The following BABAM2 variants were observed in gnomAD, a reference collection of about 807,000 sequenced individuals.
The protein encoded by BABAM2 is BRISC and BRCA1-A complex member 2.
In BABAM2, 31 loss-of-function variants were observed where a neutral mutation model predicts 54.7. The observed-to-expected ratio is 0.57, with a 90% CI of 0.43 to 0.77. BABAM2 has a LOEUF of 0.77. Among genes scored for constraint, BABAM2 ranks in the 30% least tolerant of loss-of-function variants. The probability of loss-of-function intolerance (pLI) is 0.00; values close to 1 mark genes in which losing one functional copy is unlikely to be tolerated. For missense variants in BABAM2, 364 were observed against 455.8 expected (o/e 0.80, Z 1.83); for synonymous variants, 167 against 162.9 (o/e 1.03, Z -0.19).
chr2:28,223,877 G>A (rs979297199), intron 7 of BABAM2, among the ~76,000 whole-genome samples: 1 of 152,112 alleles, frequency 6.6e-6, no homozygotes, highest in Non-Finnish European at 1.5e-5. Context: ...TCCACCCTGA[G>A]ATTCCAATAT....
chr2:28,123,092 A>G (rs1177486096), intron 6 of BABAM2, among the ~76,000 whole-genome samples: 1 of 152,110 alleles, frequency 6.6e-6, no homozygotes, highest in Non-Finnish European at 1.5e-5. Context: ...TATTTCATTC[A>G]TTTACTCATT....
At chr2:28,135,323 A>C (rs1313510727) in intron 7 of BABAM2, among the ~76,000 whole-genome samples, 1 of 152,220 alleles carries the variant, frequency 6.6e-6, no homozygotes, top group Non-Finnish European at 1.5e-5. Flanking sequence ...TCCTCATGAT[A>C]GTATGTCTAT....
intron 9 of BABAM2, 32 bp downstream of exon 9, chr2:28,241,425 G>A: frequency 6.3e-7 from 1 of 1,597,610 alleles, no homozygotes; most frequent in Non-Finnish European, 8.6e-7. Context: ...CGATATACCG[G>A]TGATGCCCTC....
chr2:28,310,248 C>T, intron 11 of BABAM2: 2 of 1,246,150 alleles, frequency 1.6e-6, no homozygotes, highest in Non-Finnish European at 2.3e-6. Context: ...ACTGCCAATA[C>T]AGCCCTCATC....
chr2:28,085,702 C>T (rs1665576129), intron 6 of BABAM2, among the ~76,000 whole-genome samples: 1 of 152,102 alleles, frequency 6.6e-6, no homozygotes, highest in Non-Finnish European at 1.5e-5. Context: ...TCTTGTTGTG[C>T]TACCCATAAA....
chr2:28,200,371 A>G (rs1678130973), intron 7 of BABAM2, among the ~76,000 whole-genome samples: 1 of 152,230 alleles, frequency 6.6e-6, no homozygotes, highest in African/African-American at 2.4e-5. Flanking sequence ...AATTTGTTAG[A>G]GAAGTGAATG....
At chr2:28,184,251 C>CTCTCT (rs1675995601) in intron 7 of BABAM2, among the ~76,000 whole-genome samples, 1 of 66,238 alleles carries the variant, frequency 1.5e-5, no homozygotes, top group Non-Finnish European at 3.1e-5. Context: ...TCTCTCTCTC[C>CTCTCT]CTCCCTCCCT....
intron 2 of BABAM2, among the ~76,000 whole-genome samples, chr2:27,925,214 A>G (rs924361516): frequency 1.3e-5 from 2 of 152,086 alleles, no homozygotes; most frequent in African/African-American, 4.8e-5. Flanking sequence ...TTTTTCTTCT[A>G]TCTTTTCTGT....
At chr2:28,318,116 T>G (rs992527770) in intron 11 of BABAM2, among the ~76,000 whole-genome samples, 2 of 152,242 alleles carry the variant, frequency 1.3e-5, no homozygotes, top group Non-Finnish European at 2.9e-5. Context: ...TTGGTGGCCC[T>G]GAGGCCGGCA....
At chr2:28,216,916 C>T (rs1318015485) in intron 7 of BABAM2, among the ~76,000 whole-genome samples, 1 of 152,162 alleles carries the variant, frequency 6.6e-6, no homozygotes, top group Non-Finnish European at 1.5e-5. Context: ...GCCTCATTTC[C>T]ACCTCAGGGC....
chr2:28,303,729 G>A (rs1472897483), intron 11 of BABAM2, among the ~76,000 whole-genome samples: 10 of 151,206 alleles, frequency 6.6e-5, no homozygotes, highest in African/African-American at 1.5e-4. Flanking sequence ...CCCACCAAAA[G>A]CCTGCTGATC....
At chr2:28,002,479 T>C (rs1246739699) in intron 4 of BABAM2, among the ~76,000 whole-genome samples, 1 of 152,188 alleles carries the variant, frequency 6.6e-6, no homozygotes, top group East Asian at 1.9e-4. Flanking sequence ...TCCATATATT[T>C]GTTATATTTT....
chr2:28,040,896 A>G (rs1211081123), intron 5 of BABAM2, among the ~76,000 whole-genome samples: 11 of 152,224 alleles, frequency 7.2e-5, no homozygotes, highest in Non-Finnish European at 1.6e-4. Flanking sequence ...TTGCCAATAA[A>G]CACAAATTTG....
At chr2:28,137,417 C>T (rs796781430) in intron 7 of BABAM2, among the ~76,000 whole-genome samples, 4 of 152,156 alleles carry the variant, frequency 2.6e-5, no homozygotes, top group African/African-American at 9.6e-5. Flanking sequence ...TTGAGATGTT[C>T]GTTTTACTAG....
intron 2 of BABAM2, among the ~76,000 whole-genome samples, chr2:27,925,032 A>AT (rs1366451753): frequency 4.6e-5 from 7 of 152,140 alleles, no homozygotes; most frequent in African/African-American, 1.7e-4. Flanking sequence ...ACATTTGTAG[A>AT]TTCCTCTCAG....
chr2:27,975,113 A>G (rs1216171026), intron 3 of BABAM2, among the ~76,000 whole-genome samples: 1 of 152,070 alleles, frequency 6.6e-6, no homozygotes, highest in Non-Finnish European at 1.5e-5. Context: ...AAGGATGGGA[A>G]GACTCAACAT....
chr2:28,113,912 G>A (rs1668361915), intron 6 of BABAM2, among the ~76,000 whole-genome samples: 1 of 152,154 alleles, frequency 6.6e-6, no homozygotes, highest in Admixed American at 6.5e-5. Context: ...TGTAGCAGTT[G>A]TGAATGGGAG....
intron 7 of BABAM2, among the ~76,000 whole-genome samples, chr2:28,196,259 G>A (rs1037963793): frequency 1.3e-5 from 2 of 148,882 alleles, no homozygotes; most frequent in East Asian, 1.9e-4. Context: ...CCCGGGAGGC[G>A]GAGCTTGCAG....
chr2:27,954,831 T>C (rs191803015), intron 3 of BABAM2, among the ~76,000 whole-genome samples: 317 of 152,358 alleles, frequency 2.1e-3, no homozygotes, highest in African/African-American at 7.5e-3. Flanking sequence ...GACTCACTAT[T>C]TGGTGAACTC....
Sources: allele counts gnomAD v4.1 joint callset (sites outside exome capture counted in the v4.1 genomes callset), GRCh38; gene constraint gnomAD v4.1.1; transcripts MANE v1.5; gene names NCBI Gene and HGNC (gene_info 2026-07-23, HGNC 2026-07-21).